NFIC: variants seen among roughly 807,000 people sequenced by gnomAD.
NFIC encodes the protein nuclear factor 1 C-type.
NFIC carries 12 observed loss-of-function variants against 54.4 expected under a neutral mutation model. The ratio of observed to expected loss-of-function variants is 0.22; its 90% confidence interval spans 0.14 to 0.36. The LOEUF (loss-of-function observed/expected upper bound fraction) is 0.36. NFIC is among the 10% of genes least tolerant of loss of function. NFIC has a pLI of 1.00. For missense variants in NFIC, 575 were observed against 718.2 expected, an observed-to-expected ratio of 0.80 and a Z score of 2.28; for synonymous variants, 322 against 319.2, an observed-to-expected ratio of 1.01 and a Z score of -0.09.
At chr19:3,377,923 C>T (rs182189368) in intron 1 of NFIC, among the ~76,000 whole-genome samples, 100 of 152,012 alleles carry the variant, frequency 6.6e-4, no homozygotes, top group Non-Finnish European at 1.2e-3. Context: ...AAATTATGCC[C>T]AGCTAATTTT....
chr19:3,458,677 C>CGGGGGG lies in NFIC; in HGVS notation c.1509+2047_1509+2048insGGGGGG, dbSNP rs2082596136. Reference sequence around the variant, plus strand: ...GCTCAGCATAGGCAATGGTGTGGGTCGGGGGAGGGGGAGCTGGCTGGAATG... The same window carrying CGGGGGG: ...GCTCAGCATAGGCAATGGTGTGGGTCGGGGGGGGGGGAGGGGGAGCTGGCTGGAATG... On this transcript the variant is annotated intron_variant, in intron 10 of 10. Coordinates refer to ENST00000443272, the MANE Select transcript of NFIC (RefSeq NM_001245002.2). The surrounding 1 kb of genome is among the most constrained non-coding windows in gnomAD (Gnocchi z 4.1). Among the ~76,000 whole-genome samples, 1 of 104,384 alleles carries CGGGGGG rather than the reference C, an allele frequency of 9.6e-6. No homozygotes were observed. 68.5% of individuals were successfully genotyped at this position (104,384 alleles called of 152,430 possible). A position where few individuals can be genotyped will look rare whatever the true frequency, so the allele number is the denominator to read the frequency against.
chr19:3,444,771 C>T (rs2082347305), intron 6 of NFIC, among the ~76,000 whole-genome samples: 1 of 152,210 alleles, frequency 6.6e-6, no homozygotes, highest in Non-Finnish European at 1.5e-5. Flanking sequence ...CCCGCCGTGG[C>T]CCTGCGCTTG....
At chr19:3,420,276 G>T (rs563207349) in intron 2 of NFIC, among the ~76,000 whole-genome samples, 1 of 152,102 alleles carries the variant, frequency 6.6e-6, no homozygotes, top group South Asian at 2.1e-4. Flanking sequence ...AGCCGTGATT[G>T]TGCCACCTTA....
chr19:3,380,628 CTT>C (rs1159916071), intron 1 of NFIC, among the ~76,000 whole-genome samples: 16,942 of 95,652 alleles, frequency 0.18, 2,233 homozygotes, highest in East Asian at 0.25. Flanking sequence ...TGCGCCCAGG[CTT>C]TTTTTTTTTT....
At chr19:3,362,218 GGT>G (rs1175969921), upstream of NFIC, among the ~76,000 whole-genome samples, 5 of 152,178 alleles carry the variant, frequency 3.3e-5, no homozygotes, top group Admixed American at 2.6e-4. Flanking sequence ...TCCACTTGTG[GGT>G]GTGTGTGTGC....
chr19:3,381,687 G>A (rs1268037928), intron 1 of NFIC, 25 bp from the exon 2 acceptor site: 2 of 1,610,592 alleles, frequency 1.2e-6, no homozygotes, highest in African/African-American at 2.7e-5. Flanking sequence ...TGGCGCTCCT[G>A]ACCTCTCGCC....
rs1234965251 is a variant in NFIC at position 3,429,227 on chromosome 19, A to AC, written c.634+4054dup. 6.7e-4 allele frequency among the ~76,000 whole-genome samples: 50 copies of AC among 74,544 alleles called. 4 individuals carry two copies. The highest frequency in any genetic ancestry group is 2.9e-3 in the African/African-American group (44 of 15,372). 48.9% of individuals were successfully genotyped at this position (74,544 alleles called of 152,430 possible). ...GGTAATATAGCAAGACCCTATCTCT[A>AC]CCCCAAAAAAAAAAAAAAAAATATA... is the stretch of plus-strand genomic sequence containing the variant. On this transcript the variant is annotated intron_variant, in intron 3 of 10. Transcript: ENST00000443272.
rs984541850 is a variant in NFIC at position 3,375,154 on chromosome 19, G to A, written c.31-6558G>A. 6.6e-6 allele frequency among the ~76,000 whole-genome samples: 1 copy of A among 151,782 alleles called. No individual in the cohort carries two copies. Among genetic ancestry groups the A allele is most frequent in the Non-Finnish European group, 1.5e-5 (1 of 67,886 alleles). On this transcript the variant is annotated intron_variant, in intron 1 of 10. Transcript: ENST00000443272. The surrounding 1 kb of genome is among the most constrained non-coding windows in gnomAD (Gnocchi z 4.6). ...AGAGAGAGGGGGGTTGGGGAGAGAA[G>A]GAGTTGGGGGGACAGTGATCCCTGC...
rs578085780 is a variant in NFIC, at chr19:3,381,666, C to T, written c.31-46C>T. ...TTCGGGGCCGGGCAGTGGGTCCGCC[C>T]TCTGCGTCCCTGGCGCTCCTGACCT... On this transcript the variant is annotated intron_variant, in intron 1 of 10. Transcript: ENST00000443272. 6.6e-5 allele frequency: 106 copies of T among 1,595,902 alleles called. 1 individual carries two copies. The South Asian group carries it at 1.1e-3, about 17-fold the overall frequency.
intron 1 of NFIC, among the ~76,000 whole-genome samples, chr19:3,373,033 T>C (rs1483316876): frequency 2.0e-5 from 3 of 151,938 alleles, no homozygotes; most frequent in African/African-American, 2.4e-5. Context: ...TTAGTAGAGA[T>C]GGGGTTTCAC....
At chr19:3,447,590 C>T (rs2145669721) in intron 6 of NFIC, among the ~76,000 whole-genome samples, 1 of 152,364 alleles carries the variant, frequency 6.6e-6, no homozygotes. Flanking sequence ...TGCCCCGATG[C>T]CCAGGGATCT....
At chr19:3,434,470 G>C (rs1468534945) in intron 5 of NFIC, 70 bp downstream of exon 5, 1 of 1,496,240 alleles carries the variant, frequency 6.7e-7, no homozygotes, top group Non-Finnish European at 8.9e-7. Flanking sequence ...TCTGGCCCGA[G>C]CTGACTCATT....
chr19:3,410,186 G>A (rs577925885), intron 2 of NFIC, among the ~76,000 whole-genome samples: 7 of 152,144 alleles, frequency 4.6e-5, no homozygotes, highest in Admixed American at 2.6e-4. Flanking sequence ...GACTACAGGC[G>A]CCTGCCACCA....
chr19:3,376,428 CAAAAAAAAAAAAAAA>C (rs35724239), intron 1 of NFIC, among the ~76,000 whole-genome samples: 7 of 48,170 alleles, frequency 1.5e-4, no homozygotes, highest in East Asian at 5.8e-4. Flanking sequence ...GACACTGTCT[CAAAAAAAAAAAAAAA>C]AAAAAAAAAA....
intron 1 of NFIC, among the ~76,000 whole-genome samples, chr19:3,377,752 C>T (rs1256018627): frequency 6.6e-6 from 1 of 152,038 alleles, no homozygotes; most frequent in Non-Finnish European, 1.5e-5. Flanking sequence ...GCTAGGACTA[C>T]AGGTGTGCGC....
upstream of NFIC, among the ~76,000 whole-genome samples, chr19:3,364,282 C>G (rs1048889088): frequency 1.3e-5 from 2 of 152,106 alleles, no homozygotes; most frequent in African/African-American, 4.8e-5. Context: ...GAAACTATGA[C>G]GTACAGTTCC....
intron 3 of NFIC, among the ~76,000 whole-genome samples, chr19:3,427,822 AAAAAAAAAAG>A (rs1256712989): frequency 2.3e-3 from 344 of 150,342 alleles, no homozygotes; most frequent in African/African-American, 8.2e-3. Context: ...TCAAAAAAAA[AAAAAAAAAAG>A]AAGAAGAAGA....
intron 2 of NFIC, among the ~76,000 whole-genome samples, chr19:3,397,805 G>A (rs2081488824): frequency 6.6e-6 from 1 of 152,222 alleles, no homozygotes; most frequent in Admixed American, 6.5e-5. Flanking sequence ...AGCGGGGGAG[G>A]CTGCGTCCAC....
At chr19:3,359,811 C>A in intron 1 of NFIC, 1 of 1,018,290 alleles carries the variant, frequency 9.8e-7, no homozygotes, top group Non-Finnish European at 1.3e-6. Context: ...GGGCTCGAGG[C>A]GGGGACCCCC....
Sources: gnomAD v4.1 joint callset for allele counts (sites outside exome capture counted in the v4.1 genomes callset) on GRCh38, gnomAD v4.1.1 for gene constraint, Gnocchi (gnomAD v3.1) non-coding constraint, MANE v1.5 for transcripts, NCBI Gene and HGNC (gene_info 2026-07-23, HGNC 2026-07-21) for gene names.